The following SHF variants were observed in gnomAD, a reference collection of about 807,000 sequenced individuals.
SHF encodes SH2 domain-containing adapter protein F.
A neutral mutation model predicts 42.4 loss-of-function variants in SHF; 30 were observed. The ratio of observed to expected loss-of-function variants is 0.71; its 90% CI spans 0.53 to 0.96. The LOEUF (loss-of-function observed/expected upper bound fraction) is 0.96. SHF is among the 40% of genes least tolerant of loss of function. The probability of loss-of-function intolerance (pLI) is 0.00; values close to 1 mark genes in which losing one functional copy is unlikely to be tolerated. For missense variants in SHF, 598 were observed against 634.0 expected (o/e 0.94, Z 0.61); for synonymous variants, 264 against 269.9 (o/e 0.98, Z 0.21).
At chr15:45,188,130 G>C (rs942550938), upstream of SHF, among the ~76,000 whole-genome samples, 1 of 152,078 alleles carries the variant, frequency 6.6e-6, no homozygotes, top group Non-Finnish European at 1.5e-5. Context: ...AAGAGTGTAC[G>C]CGGGCTTCCA....
chr15:45,184,121 G>A (rs1898264505), intron 1 of SHF, among the ~76,000 whole-genome samples: 1 of 152,196 alleles, frequency 6.6e-6, no homozygotes, highest in Non-Finnish European at 1.5e-5. Flanking sequence ...TCCAGGTGCT[G>A]TGTCCCTTTC....
chr15:45,182,018 G>C (rs1326574014), intron 1 of SHF, among the ~76,000 whole-genome samples: 1 of 152,116 alleles, frequency 6.6e-6, no homozygotes, highest in Non-Finnish European at 1.5e-5. Context: ...CCAGGACTCT[G>C]CTATATTGTG....
chr15:45,198,948 G>A (rs1266381612), exon 2 of SHF: 1 of 1,613,824 alleles, frequency 6.2e-7, no homozygotes, highest in Non-Finnish European at 8.5e-7. Flanking sequence ...CAGGAATGGG[G>A]CTGGGCGGAA....
Position 45,172,285 on chromosome 15 carries a change from G to A in SHF, c.1022C>T (p.Ser341Leu). The A allele has an allele frequency of 3.7e-6, 6 of 1,611,110 alleles. No homozygotes were observed. Among genetic ancestry groups the A allele is most frequent in the Non-Finnish European group, 5.1e-6 (6 of 1,178,332 alleles). Reference protein sequence around the residue: ...QFEGPEKSCLSPGREEKGRLP... With the variant: ...QFEGPEKSCLLPGREEKGRLP... Reference sequence around the variant, plus strand: ...CCGCCCCTTCTCCTCCCGGCCAGGTGACAGGCAGCTCTTCTCCGGTCCTTC... The same window carrying A: ...CCGCCCCTTCTCCTCCCGGCCAGGTAACAGGCAGCTCTTCTCCGGTCCTTC... The change falls in exon 5 of 7, where the codon TCA (serine) becomes TTA (leucine). Residue 341 changes from serine (S) to leucine (L), a missense_variant. Coordinates refer to ENST00000690270, the MANE Select transcript of SHF (RefSeq NM_001394037.1).
chr15:45,183,224 G>A (rs895459900), intron 1 of SHF, among the ~76,000 whole-genome samples: 2 of 152,202 alleles, frequency 1.3e-5, no homozygotes, highest in Non-Finnish European at 2.9e-5. Context: ...CTGAGAAACC[G>A]TGCAAGTGTG....
rs954768943 is a variant in SHF, at chr15:45,178,219, C to T, written c.586G>A (p.Val196Ile). Residue 196 changes from valine (V) to isoleucine (I), a missense_variant, in exon 2 of 7, where the codon GTC becomes ATC. Physicochemically the swap from Val to Ile is conservative, Grantham distance 29. This residue lies in a region of SHF where 439 missense variants were observed against 524.6 expected (regional missense o/e 0.84). Transcript: ENST00000690270. ...TCCATGTAGCCATCATTTTCAGGGACCTTCTCTGGGGCTCCTGAAGCTCCT... is the reference window on the plus strand; with the variant it reads ...TCCATGTAGCCATCATTTTCAGGGATCTTCTCTGGGGCTCCTGAAGCTCCT... ...SAGASGAPEK[V>I]PENDGYMEPY... 7 of 1,613,734 alleles carry T rather than the reference C, an allele frequency of 4.3e-6. No homozygotes were observed. The highest frequency in any genetic ancestry group is 1.7e-5 in the Admixed American group (1 of 60,000).
chr15:45,179,509 T>C (rs1051781901), intron 1 of SHF, among the ~76,000 whole-genome samples: 5 of 152,298 alleles, frequency 3.3e-5, no homozygotes, highest in Admixed American at 1.3e-4. Context: ...CACTCCTCTA[T>C]GCCTGCTGCC....
intron 2 of SHF, among the ~76,000 whole-genome samples, chr15:45,194,455 G>A (rs1898805827): frequency 6.6e-6 from 1 of 151,888 alleles, no homozygotes; most frequent in South Asian, 2.1e-4. Flanking sequence ...GAGTTCCAGC[G>A]ATTCTCCTGC....
chr15:45,185,650 C>T (rs1055760482), intron 1 of SHF, among the ~76,000 whole-genome samples: 3 of 152,188 alleles, frequency 2.0e-5, no homozygotes, highest in African/African-American at 7.2e-5. Flanking sequence ...TCTCTTGGCC[C>T]CTAAGTCTGA....
intron 1 of SHF, among the ~76,000 whole-genome samples, chr15:45,178,939 C>G (rs1417799691): frequency 6.6e-6 from 1 of 152,232 alleles, no homozygotes; most frequent in Non-Finnish European, 1.5e-5. Context: ...AGTCAGGGTC[C>G]AAGCAGGACC....
intron 2 of SHF, among the ~76,000 whole-genome samples, chr15:45,196,792 G>A (rs1453278220): frequency 5.3e-5 from 8 of 151,926 alleles, no homozygotes; most frequent in Middle Eastern, 3.4e-3. Flanking sequence ...CCAGCTACTC[G>A]GGAGGCTGAG....
chr15:45,170,825 T>A (rs1029068747), intron 6 of SHF: 3 of 182,346 alleles, frequency 1.6e-5, no homozygotes, highest in African/African-American at 7.2e-5. Context: ...CTAATTTTTG[T>A]ATTTTTAGTA....
At chr15:45,184,009 C>G (rs146999894) in intron 1 of SHF, among the ~76,000 whole-genome samples, 18 of 152,362 alleles carry the variant, frequency 1.2e-4, no homozygotes, top group African/African-American at 3.8e-4. Flanking sequence ...CCCTCTATCT[C>G]CATCTGCAAC....
At chr15:45,194,768 C>T (rs1030487522) in intron 2 of SHF, among the ~76,000 whole-genome samples, 2 of 152,160 alleles carry the variant, frequency 1.3e-5, no homozygotes, top group African/African-American at 4.8e-5. Flanking sequence ...TCAGTCATTT[C>T]TTGAAAGAAA....
Position 45,172,152 on chromosome 15 carries a change from G to T in SHF, c.1155C>A (p.Asn385Lys). ...EWTDPALPLE[N>K]QVWYHGAISR... is the part of the protein sequence containing the mutation. ...AGCTGGACACAGACACTCACACCTG[G>T]TTTTCCAGAGGCAGTGCTGGATCTG... The change falls in exon 5 of 7, where the codon AAC becomes AAA. Residue 385 changes from asparagine to lysine, a missense_variant. Coordinates refer to ENST00000690270, the MANE Select transcript of SHF (RefSeq NM_001394037.1). 5 of 1,613,890 alleles carry T rather than the reference G, an allele frequency of 3.1e-6. No individual in the cohort carries two copies. Among genetic ancestry groups the T allele is most frequent in the Non-Finnish European group, 4.2e-6 (5 of 1,179,850 alleles).
At chr15:45,193,543 G>A (rs1898770525) in intron 2 of SHF, among the ~76,000 whole-genome samples, 1 of 152,128 alleles carries the variant, frequency 6.6e-6, no homozygotes, top group South Asian at 2.1e-4. Context: ...AAACAATAGG[G>A]CAGAGGAAAC....
intron 6 of SHF, among the ~76,000 whole-genome samples, chr15:45,169,681 A>G (rs1318067079): frequency 2.0e-5 from 3 of 152,228 alleles, no homozygotes; most frequent in Non-Finnish European, 4.4e-5. Context: ...TGCACATTGT[A>G]TCTTCTCAAA....
chr15:45,193,307 G>C (rs756945058), intron 2 of SHF, among the ~76,000 whole-genome samples: 1 of 152,172 alleles, frequency 6.6e-6, no homozygotes, highest in Non-Finnish European at 1.5e-5. Context: ...AGGTGGTCAC[G>C]GCCCAATCAA....
upstream of SHF, among the ~76,000 whole-genome samples, chr15:45,192,315 G>A (rs923613141): frequency 1.4e-5 from 2 of 147,504 alleles, no homozygotes; most frequent in African/African-American, 5.0e-5. Context: ...GCCAGAGTAG[G>A]CTCAAAGAAA....
Sources: allele counts gnomAD v4.1 joint callset (sites outside exome capture counted in the v4.1 genomes callset), GRCh38; gene constraint gnomAD v4.1.1; regional missense constraint gnomAD v4.1.1; transcripts MANE v1.5; gene names NCBI Gene and HGNC (gene_info 2026-07-23, HGNC 2026-07-21).